KCNA6: variants seen among roughly 807,000 people sequenced by gnomAD.
KCNA6 encodes the protein human brain potassium channel-2.
In KCNA6, 17 loss-of-function variants were observed where a neutral mutation model predicts 29.5. The observed-to-expected ratio is 0.58, with a 90% CI of 0.39 to 0.86. The LOEUF (loss-of-function observed/expected upper bound fraction) is 0.86, where lower values mean the gene tolerates loss of function less well. Ranked by LOEUF, KCNA6 falls within the 40% of genes least tolerant of loss-of-function variation. The pLI, the probability that KCNA6 is intolerant of heterozygous loss-of-function variation, is 0.00. For synonymous variants in KCNA6, 296 were observed against 304.7 expected (o/e 0.97, Z 0.30); for missense variants, 450 against 703.4 (o/e 0.64, Z 4.07).
At chr12:4,841,550 T>C in the KCNA6 span, among the ~76,000 whole-genome samples, 1 of 152,174 alleles carries the variant, frequency 6.6e-6, no homozygotes, top group Non-Finnish European at 1.5e-5. Context: ...CAGAGGAAGG[T>C]AACGTATTTA....
the KCNA6 span, among the ~76,000 whole-genome samples, chr12:4,832,919 C>A: frequency 7.8e-6 from 1 of 128,038 alleles, no homozygotes; most frequent in Admixed American, 7.5e-5. Context: ...CCACCAAACC[C>A]TCACCTCAGG....
the KCNA6 span, among the ~76,000 whole-genome samples, chr12:4,846,923 C>T: frequency 1.3e-4 from 19 of 151,702 alleles, no homozygotes; most frequent in African/African-American, 3.6e-4. Flanking sequence ...AGACTACAGG[C>T]GCCCGCCACC....
chr12:4,849,814 C>T, the KCNA6 span, among the ~76,000 whole-genome samples: 1 of 152,186 alleles, frequency 6.6e-6, no homozygotes, highest in Non-Finnish European at 1.5e-5. Context: ...CCTTATTTAC[C>T]TTTTCCAAAG....
rs1946636303 is a variant in KCNA6 at position 4,811,921 on chromosome 12, C to T, written c.*290C>T. Reference sequence around the variant, plus strand: ...TATACATTTATGTCTGACCTTCCCTCAAGACTGATTTTTCATGTCTGGGAC... The same window carrying T: ...TATACATTTATGTCTGACCTTCCCTTAAGACTGATTTTTCATGTCTGGGAC... On this transcript the variant is annotated 3_prime_UTR_variant, in exon 1 of 1. Transcript: ENST00000280684. The surrounding 1 kb of genome is among the most constrained non-coding windows in gnomAD (Gnocchi z 7.1). 2 of 380,382 alleles carry T rather than the reference C, an allele frequency of 5.3e-6. No individual in the cohort carries two copies. The highest frequency in any genetic ancestry group is 5.0e-6 in the Non-Finnish European group (1 of 201,980). The allele number at this position is 380,382 out of a possible 1,614,324, so 23.6% of individuals were successfully genotyped here.
chr12:4,819,115 T>C, the KCNA6 span, among the ~76,000 whole-genome samples: 1 of 152,202 alleles, frequency 6.6e-6, no homozygotes, highest in Non-Finnish European at 1.5e-5. Flanking sequence ...CCCACGTATA[T>C]ACACAAACAC....
At chr12:4,826,333 C>T in the KCNA6 span, among the ~76,000 whole-genome samples, 1 of 152,378 alleles carries the variant, frequency 6.6e-6, no homozygotes, top group Non-Finnish European at 1.5e-5. Flanking sequence ...TCCTCACCAA[C>T]TGGTCCAGGC....
At chr12:4,829,372 C>G in the KCNA6 span, among the ~76,000 whole-genome samples, 1 of 152,090 alleles carries the variant, frequency 6.6e-6, no homozygotes, top group African/African-American at 2.4e-5. Flanking sequence ...TATGATTATC[C>G]AGTAGAAAAG....
In KCNA6 at chr12:4,809,998, C is replaced by G. The variant is rs773230773; in HGVS notation, c.-44C>G. 8.0e-6 allele frequency: 12 copies of G among 1,500,358 alleles called. No homozygotes were observed. The East Asian group carries it at 2.3e-4, about 29-fold the overall frequency. 92.9% of individuals were successfully genotyped at this position (1,500,358 alleles called of 1,614,324 possible). On this transcript the variant is annotated 5_prime_UTR_variant, in exon 1 of 1. Coordinates refer to ENST00000280684, the Ensembl canonical transcript of KCNA6. ...GGGTGCCGCGCTCCAGAGATTGTGT[C>G]GTGGGCGCCGTCCTAGTGGCGGGGA...
At chr12:4,827,333 G>A in the KCNA6 span, among the ~76,000 whole-genome samples, 1 of 151,522 alleles carries the variant, frequency 6.6e-6, no homozygotes, top group African/African-American at 2.4e-5. Flanking sequence ...GTTATTAAGT[G>A]ATTCCAGATC....
At chr12:4,823,212 A>G in the KCNA6 span, among the ~76,000 whole-genome samples, 1 of 152,142 alleles carries the variant, frequency 6.6e-6, no homozygotes, top group Non-Finnish European at 1.5e-5. Flanking sequence ...GCTTTTTAAT[A>G]GAAGTGAGCC....
In KCNA6 at chr12:4,810,066, C is replaced by T; in HGVS notation, c.25C>T (p.Leu9=). ...CATGAGATCGGAGAAATCCCTTACG[C>T]TGGCGGCGCCGGGGGAGGTCCGTGG... Residue 9 remains leucine (L), a synonymous_variant, in exon 1 of 1, where the codon CTG becomes TTG. Coordinates refer to ENST00000280684, the Ensembl canonical transcript of KCNA6. The surrounding 1 kb of genome is among the most constrained non-coding windows in gnomAD (Gnocchi z 7.5). 8 of 1,546,056 alleles carry T rather than the reference C, an allele frequency of 5.2e-6. No homozygotes were observed. The highest frequency in any genetic ancestry group is 7.0e-6 in the Non-Finnish European group (8 of 1,149,528).
chr12:4,834,364 C>G, the KCNA6 span, among the ~76,000 whole-genome samples: 41,634 of 152,076 alleles, frequency 0.27, 6,045 homozygotes, highest in Middle Eastern at 0.41. Flanking sequence ...AAACTTACGT[C>G]GTGTCTTGTA....
the KCNA6 span, among the ~76,000 whole-genome samples, chr12:4,829,100 C>T: frequency 4.6e-5 from 7 of 152,160 alleles, no homozygotes; most frequent in South Asian, 1.3e-3. Flanking sequence ...AATCTATTGA[C>T]ACAATAAAGC....
At chr12:4,815,030 T>C (rs1028888304), downstream of KCNA6, among the ~76,000 whole-genome samples, 1 of 152,196 alleles carries the variant, frequency 6.6e-6, no homozygotes, top group African/African-American at 2.4e-5. Flanking sequence ...TTATCTCTTT[T>C]TCTGTGCATT....
Position 4,810,077 on chromosome 12 carries a change from G to A in KCNA6, c.36G>A (p.Pro12=). The change falls in exon 1 of 1, where the codon CCG becomes CCA. Residue 12 remains proline, a synonymous_variant. Transcript: ENST00000280684. The surrounding 1 kb of genome is among the most constrained non-coding windows in gnomAD (Gnocchi z 7.5). ...AGAAATCCCTTACGCTGGCGGCGCCGGGGGAGGTCCGTGGGCCGGAGGGAG... is the reference window on the plus strand; with the variant it reads ...AGAAATCCCTTACGCTGGCGGCGCCAGGGGAGGTCCGTGGGCCGGAGGGAG... The A allele has an allele frequency of 6.4e-7, 1 of 1,550,494 alleles. No individual in the cohort carries two copies. The highest frequency in any genetic ancestry group is 1.2e-5 in the South Asian group (1 of 81,314).
At chr12:4,849,852 G>T in the KCNA6 span, among the ~76,000 whole-genome samples, 1 of 152,218 alleles carries the variant, frequency 6.6e-6, no homozygotes, top group East Asian at 1.9e-4. Context: ...TGTTGTCGTT[G>T]CTTCCGTTTC....
chr12:4,821,029 C>T, the KCNA6 span, among the ~76,000 whole-genome samples: 1 of 152,196 alleles, frequency 6.6e-6, no homozygotes, highest in African/African-American at 2.4e-5. Flanking sequence ...GCATCTTACC[C>T]AGGAACGCTG....
the KCNA6 span, among the ~76,000 whole-genome samples, chr12:4,820,584 C>G: frequency 6.6e-6 from 1 of 151,776 alleles, no homozygotes; most frequent in East Asian, 1.9e-4. Flanking sequence ...CACACACACA[C>G]ACACACACTC....
the KCNA6 span, among the ~76,000 whole-genome samples, chr12:4,847,458 C>T: frequency 6.6e-6 from 1 of 152,008 alleles, no homozygotes; most frequent in Admixed American, 6.6e-5. Context: ...CTATTCTTTT[C>T]CATTTTACTT....
Sources: gnomAD v4.1 joint callset for allele counts (sites outside exome capture counted in the v4.1 genomes callset) on GRCh38, gnomAD v4.1.1 for gene constraint, Gnocchi (gnomAD v3.1) non-coding constraint, MANE v1.5 for transcripts, NCBI Gene and HGNC (gene_info 2026-07-23, HGNC 2026-07-21) for gene names.